The following MAPK8 variants were observed in gnomAD, a reference collection of about 807,000 sequenced individuals.
The protein encoded by MAPK8 is mitogen-activated protein kinase 8, also known as JUN N-terminal kinase.
Under a neutral mutation model 52.9 loss-of-function variants are expected in MAPK8, and 13 were observed. The ratio of observed to expected loss-of-function variants is 0.25; its 90% CI spans 0.16 to 0.39. The LOEUF is 0.39. MAPK8 is among the 10% of genes least tolerant of loss of function. The pLI is 1.00. For synonymous variants in MAPK8, 191 were observed against 169.8 expected, an observed-to-expected ratio of 1.12 and a Z score of -0.97; for missense variants, 300 against 519.2, an observed-to-expected ratio of 0.58 and a Z score of 4.10.
chr10:48,363,103 A>C (rs555193117), intron 1 of MAPK8, among the ~76,000 whole-genome samples: 7 of 152,188 alleles, frequency 4.6e-5, no homozygotes, highest in Admixed American at 3.3e-4. Flanking sequence ...GTAGCTATTC[A>C]CTGGCCTGAA....
chr10:48,396,610 T>C (rs191549892), intron 1 of MAPK8, among the ~76,000 whole-genome samples: 104 of 152,346 alleles, frequency 6.8e-4, no homozygotes, highest in Non-Finnish European at 1.3e-3. Context: ...TGAAAACTTA[T>C]ATTCACACAA....
intron 10 of MAPK8, among the ~76,000 whole-genome samples, chr10:48,429,123 T>G (rs573358264): frequency 3.1e-4 from 47 of 152,106 alleles, no homozygotes; most frequent in African/African-American, 1.1e-3. Context: ...GCGCCCAGCC[T>G]AATTTTTAAA....
chr10:48,437,459 A>G lies in MAPK8; in HGVS notation c.*2430A>G, dbSNP rs2044942054. 6.6e-6 allele frequency: 1 copy of G among 152,182 alleles called. No homozygotes were observed. Among genetic ancestry groups the G allele is most frequent in the Non-Finnish European group, 1.5e-5 (1 of 68,024 alleles). 9.4% of individuals were successfully genotyped at this position (152,182 alleles called of 1,614,324 possible). The stretch of plus-strand genomic sequence containing the variant: ...TTGATTTTTCAATTTTATATACTTA[A>G]TATACTCACTGTCTTACTATCAGAA... On this transcript the variant is annotated 3_prime_UTR_variant, in exon 12 of 12. Coordinates refer to ENST00000374189, the MANE Select transcript of MAPK8 (RefSeq NM_001323329.2).
chr10:48,310,310 G>A (rs1271584611), intron 1 of MAPK8, among the ~76,000 whole-genome samples: 1 of 152,166 alleles, frequency 6.6e-6, no homozygotes, highest in Non-Finnish European at 1.5e-5. Flanking sequence ...GACAAAAAGA[G>A]CCCTTCTTGG....
intron 1 of MAPK8, among the ~76,000 whole-genome samples, chr10:48,359,742 C>T (rs1279965910): frequency 6.6e-6 from 1 of 152,162 alleles, no homozygotes; most frequent in Non-Finnish European, 1.5e-5. Flanking sequence ...ACCTTCCTCA[C>T]ATCGTATAAA....
intron 1 of MAPK8, among the ~76,000 whole-genome samples, chr10:48,355,292 G>A (rs1327700567): frequency 1.3e-5 from 2 of 152,102 alleles, no homozygotes; most frequent in Admixed American, 6.5e-5. Context: ...GGCGGATCAC[G>A]AGGTCAGGAG....
intron 1 of MAPK8, among the ~76,000 whole-genome samples, chr10:48,332,191 A>G (rs1244821367): frequency 6.6e-6 from 1 of 152,196 alleles, no homozygotes; most frequent in Non-Finnish European, 1.5e-5. Context: ...AAGGTGACCT[A>G]CGATCACCAG....
chr10:48,307,320 C>T (rs1438697161), intron 1 of MAPK8, among the ~76,000 whole-genome samples: 2 of 152,220 alleles, frequency 1.3e-5, no homozygotes, highest in Non-Finnish European at 2.9e-5. Flanking sequence ...TCGATGCTTT[C>T]TTTGTGCTAA....
At chr10:48,361,687 C>T (rs17697885) in intron 1 of MAPK8, among the ~76,000 whole-genome samples, 12,511 of 152,194 alleles carry the variant, frequency 0.082, 621 homozygotes, top group Non-Finnish European at 0.11. Context: ...ACCCTGATGA[C>T]CGTTGTGCAT....
chr10:48,338,751 A>G (rs1256378412), intron 1 of MAPK8, among the ~76,000 whole-genome samples: 1 of 152,194 alleles, frequency 6.6e-6, no homozygotes, highest in Non-Finnish European at 1.5e-5. Context: ...ATAAATGTAC[A>G]AAAATCACTG....
chr10:48,396,340 A>C lies in MAPK8; in HGVS notation c.-49-5272A>C, dbSNP rs1180850095. On this transcript the variant is annotated intron_variant, in intron 1 of 11. Transcript: ENST00000374189. ...TATATAGATGACAAAGAAGCACATG[A>C]AAAGATGCTCAACATGATTAGCTAC... 2.0e-5 allele frequency among the ~76,000 whole-genome samples: 3 copies of C among 152,340 alleles called. No individual in the cohort carries two copies. In the East Asian group the frequency reaches 5.8e-4, roughly 29 times the overall value.
At chr10:48,387,196 A>G (rs1216728924) in intron 1 of MAPK8, among the ~76,000 whole-genome samples, 1 of 152,216 alleles carries the variant, frequency 6.6e-6, no homozygotes, top group Non-Finnish European at 1.5e-5. Context: ...AAGAGAGGGC[A>G]AACTAGGTAT....
chr10:48,431,090 T>G (rs2044204080), intron 10 of MAPK8, 103 bp from the exon 11 acceptor site: 3 of 715,076 alleles, frequency 4.2e-6, no homozygotes. Context: ...GGACACTGTT[T>G]GAAGTACTTC....
chr10:48,335,451 C>G (rs112234363), intron 1 of MAPK8, among the ~76,000 whole-genome samples: 5,915 of 152,156 alleles, frequency 0.039, 163 homozygotes, highest in African/African-American at 0.079. Flanking sequence ...TTATTTATTA[C>G]TTACTACTCA....
Position 48,396,506 on chromosome 10 carries a change from A to G in MAPK8, c.-49-5106A>G, listed in dbSNP as rs538563842. On this transcript the variant is annotated intron_variant, in intron 1 of 11. Coordinates refer to ENST00000374189, the MANE Select transcript of MAPK8 (RefSeq NM_001323329.2). ...CACACATTGCTGGTGGAAGTGCAAAATGATACAGCACTCTGGAAAACAGTT... is the reference window on the plus strand; with the variant it reads ...CACACATTGCTGGTGGAAGTGCAAAGTGATACAGCACTCTGGAAAACAGTT... Among the ~76,000 whole-genome samples, 4 of 152,308 alleles carry G rather than the reference A, an allele frequency of 2.6e-5. No homozygotes were observed. The East Asian group carries it at 7.7e-4, about 29-fold the overall frequency.
intron 1 of MAPK8, among the ~76,000 whole-genome samples, chr10:48,349,025 CAAA>C (rs1274698714): frequency 2.0e-5 from 3 of 150,526 alleles, no homozygotes; most frequent in East Asian, 3.9e-4. Context: ...GATAAAAAGA[CAAA>C]GAAGGGCATT....
intron 1 of MAPK8, among the ~76,000 whole-genome samples, chr10:48,363,674 C>A (rs919337597): frequency 2.0e-5 from 3 of 152,140 alleles, no homozygotes; most frequent in Admixed American, 1.3e-4. Context: ...GTTTTTCTTA[C>A]AGAATTAAAC....
chr10:48,344,652 T>A (rs1025195600), intron 1 of MAPK8, among the ~76,000 whole-genome samples: 2 of 152,218 alleles, frequency 1.3e-5, no homozygotes, highest in African/African-American at 4.8e-5. Context: ...AATGTATTTT[T>A]AAAATATCTT....
intron 1 of MAPK8, among the ~76,000 whole-genome samples, chr10:48,358,867 G>A (rs1333893526): frequency 6.6e-6 from 1 of 152,142 alleles, no homozygotes; most frequent in African/African-American, 2.4e-5. Context: ...TGAAGATACT[G>A]TTCTTTCCCT....
Sources: allele counts gnomAD v4.1 joint callset (sites outside exome capture counted in the v4.1 genomes callset), GRCh38; gene constraint gnomAD v4.1.1; transcripts MANE v1.5; gene names NCBI Gene and HGNC (gene_info 2026-07-23, HGNC 2026-07-21).